SYNE1: variants seen among roughly 807,000 people sequenced by gnomAD.
The protein encoded by SYNE1 is nesprin-1.
SYNE1 carries 616 observed loss-of-function variants against 1,111.0 expected under a neutral mutation model. The observed-to-expected ratio is 0.55, with a 90% CI of 0.52 to 0.59. The LOEUF is 0.59. SYNE1 is among the 20% of genes least tolerant of loss of function. The pLI, the probability that SYNE1 is intolerant of heterozygous loss-of-function variation, is 0.00. For missense variants in SYNE1, 10,006 were observed against 10,417.0 expected (o/e 0.96, Z 1.72); for synonymous variants, 3,855 against 3,825.8 (o/e 1.01, Z -0.28).
Position 152,401,194 on chromosome 6 carries a change from C to G in SYNE1, c.6973G>C (p.Glu2325Gln), listed in dbSNP as rs746913387. The G allele has an allele frequency of 1.2e-6, 2 of 1,614,166 alleles. No homozygotes were observed. The highest frequency in any genetic ancestry group is 1.1e-5 in the South Asian group (1 of 91,090). ...TTTTGGGCACAGTTCATCAACGATT[C>G]TTCCACTTTTGTGAACCATGTTGTT... is the stretch of plus-strand genomic sequence containing the variant. The part of the protein sequence containing the change: ...DITTWFTKVE[E>Q]SLMNCAQNET... The change falls in exon 47 of 146, where the codon GAA becomes CAA. Residue 2325 changes from glutamate to glutamine, a missense_variant. By Grantham distance (29) the Glu-to-Gln change is conservative. Around this residue, in one of 7 missense-constraint regions of SYNE1, gnomAD observed 4,955 missense variants for 5,017.2 expected, o/e 0.99. Transcript: ENST00000367255.
At chr6:152,264,084 C>T (rs891410271) in intron 100 of SYNE1, among the ~76,000 whole-genome samples, 1 of 151,348 alleles carries the variant, frequency 6.6e-6, no homozygotes, top group African/African-American at 2.4e-5. Flanking sequence ...TGGCGCACAC[C>T]TGTTGTCCCA....
At chr6:152,409,512 A>G (rs2097974421) in intron 43 of SYNE1, 47 bp downstream of exon 43, 1 of 1,607,058 alleles carries the variant, frequency 6.2e-7, no homozygotes, top group African/African-American at 1.3e-5. Context: ...AGTAAAAACC[A>G]GATCTACTAA....
intron 63 of SYNE1, among the ~76,000 whole-genome samples, chr6:152,364,352 C>T (rs1270359967): frequency 6.6e-6 from 1 of 152,082 alleles, no homozygotes; most frequent in East Asian, 1.9e-4. Flanking sequence ...ACTGCCCTCC[C>T]CCTGCCTGCC....
rs214997 is a variant in SYNE1 at position 152,441,454 on chromosome 6, A to G, written c.4009-184T>C. ...TTCTTTTCTCTATGTTAATGTTTTC[A>G]TCTACAAAAAGAGAGGACACATGGA... On this transcript the variant is annotated intron_variant, in intron 31 of 145. Transcript: ENST00000367255. Among the ~76,000 whole-genome samples, 78,242 of 152,074 alleles carry G rather than the reference A, an allele frequency of 0.51. 22,263 individuals are homozygous for G. Among genetic ancestry groups the G allele is most frequent in the African/African-American group, 0.75 (31,192 of 41,478 alleles).
At chr6:152,432,075 T>C (rs1379231200) in intron 34 of SYNE1, among the ~76,000 whole-genome samples, 1 of 152,180 alleles carries the variant, frequency 6.6e-6, no homozygotes, top group Non-Finnish European at 1.5e-5. Context: ...CTCAATCATA[T>C]TGTTGGATTG....
intron 3 of SYNE1, among the ~76,000 whole-genome samples, chr6:152,608,837 G>A (rs1337625623): frequency 1.3e-5 from 2 of 152,190 alleles, no homozygotes; most frequent in African/African-American, 4.8e-5. Context: ...AGAAGCTGAG[G>A]CAGGAGAATC....
intron 55 of SYNE1, among the ~76,000 whole-genome samples, chr6:152,382,075 A>T (rs1180949313): frequency 6.6e-6 from 1 of 152,216 alleles, no homozygotes; most frequent in East Asian, 1.9e-4. Flanking sequence ...AAAGCACACA[A>T]ATACTGTAAA....
rs558427622 is a variant in SYNE1, at chr6:152,306,472, C to T, written c.17346+2017G>A. Among the ~76,000 whole-genome samples, 248 of 145,550 alleles carry T rather than the reference C, an allele frequency of 1.7e-3. 3 individuals are homozygous for T. Among genetic ancestry groups the T allele is most frequent in the African/African-American group, 5.0e-3 (195 of 39,258 alleles). ...CTGCACTCCAGCCTGGGCAACAGAG[C>T]GAGACTCCATCTAAAAAATAAATAA... On this transcript the variant is annotated intron_variant, in intron 91 of 145. Coordinates refer to ENST00000367255, the MANE Select transcript of SYNE1 (RefSeq NM_182961.4).
intron 3 of SYNE1, among the ~76,000 whole-genome samples, chr6:152,579,385 G>A (rs980383441): frequency 3.3e-5 from 5 of 152,234 alleles, no homozygotes; most frequent in African/African-American, 7.2e-5. Context: ...ACAGGCAGAG[G>A]CCATGTGGCA....
rs761091376 is a variant in SYNE1 at position 152,354,949 on chromosome 6, G to C, written c.10636C>G (p.Gln3546Glu). ...TGCAGCACTGAGTTCAACAGGGCCT[G>C]CCCCTCTGCACAGTGTACCTGTAGC... ...QELQVHCAEG[Q>E]ALLNSVLHTR... Residue 3546 changes from glutamine to glutamate, a missense_variant, in exon 67 of 146, where the codon CAG (glutamine) becomes GAG (glutamate). Physicochemically the swap from Gln to Glu is conservative, Grantham distance 29 (BLOSUM62 2). Transcript: ENST00000367255. The C allele has an allele frequency of 1.2e-6, 2 of 1,614,034 alleles. No homozygotes were observed. The highest frequency in any genetic ancestry group is 1.7e-6 in the Non-Finnish European group (2 of 1,180,032).
chr6:152,512,250 GA>G (rs1005296530), intron 6 of SYNE1, among the ~76,000 whole-genome samples: 1 of 152,156 alleles, frequency 6.6e-6, no homozygotes, highest in African/African-American at 2.4e-5. Flanking sequence ...TCTCACTGGT[GA>G]AGTTCATTCA....
chr6:152,539,824 A>G, intron 4 of SYNE1, 136 bp downstream of exon 4: 1 of 1,016,038 alleles, frequency 9.8e-7, no homozygotes, highest in Non-Finnish European at 1.6e-6. Flanking sequence ...GGCAACAGCT[A>G]GACCAACCAA....
intron 3 of SYNE1, among the ~76,000 whole-genome samples, chr6:152,560,945 T>C (rs2128224515): frequency 6.6e-6 from 1 of 152,256 alleles, no homozygotes; most frequent in Admixed American, 6.5e-5. Context: ...AAGAAAAGCC[T>C]ACAACTAATA....
Position 152,334,192 on chromosome 6 carries a change from C to T in SYNE1, c.12610G>A (p.Glu4204Lys), listed in dbSNP as rs1216662671. 3 of 1,614,048 alleles carry T rather than the reference C, an allele frequency of 1.9e-6. No individual in the cohort carries two copies. The South Asian group carries it at 3.3e-5, about 18-fold the overall frequency. Residue 4204 changes from glutamate (E) to lysine (K), a missense_variant, in exon 77 of 146, where the codon GAA becomes AAA. Transcript: ENST00000367255. ...EKVNKLTKKE[E>K]SPEHKEINHL... ...TTTATTTCCTTGTGTTCAGGCGATTCCTCCTTCTTTGTTAACTTATTCACC... is the reference window on the plus strand; with the variant it reads ...TTTATTTCCTTGTGTTCAGGCGATTTCTCCTTCTTTGTTAACTTATTCACC...
intron 141 of SYNE1, among the ~76,000 whole-genome samples, chr6:152,135,467 T>A (rs2056844617): frequency 6.6e-6 from 1 of 152,196 alleles, no homozygotes; most frequent in African/African-American, 2.4e-5. Flanking sequence ...AAAACTGGCA[T>A]CAACATACGT....
At chr6:152,509,247 TC>T (rs376119853) in intron 8 of SYNE1, among the ~76,000 whole-genome samples, 15 of 116,052 alleles carry the variant, frequency 1.3e-4, no homozygotes, top group Admixed American at 2.5e-4. Context: ...TTTTTCTTTT[TC>T]TTTTTTTTTT....
At chr6:152,539,201 C>T (rs1255832658) in intron 4 of SYNE1, among the ~76,000 whole-genome samples, 1 of 152,144 alleles carries the variant, frequency 6.6e-6, no homozygotes, top group Non-Finnish European at 1.5e-5. Context: ...GTCAACATAA[C>T]TTCCACTATA....
intron 127 of SYNE1, among the ~76,000 whole-genome samples, chr6:152,191,467 G>T (rs1407309578): frequency 6.6e-6 from 1 of 151,936 alleles, no homozygotes; most frequent in African/African-American, 2.4e-5. Flanking sequence ...ACTTGCTATT[G>T]GTCTGCTTTT....
At chr6:152,616,302 G>A (rs907708125) in intron 3 of SYNE1, among the ~76,000 whole-genome samples, 3 of 152,094 alleles carry the variant, frequency 2.0e-5, no homozygotes, top group Admixed American at 6.6e-5. Flanking sequence ...GGCCGGGCAC[G>A]GTCACTCACA....
Sources: allele counts gnomAD v4.1 joint callset (sites outside exome capture counted in the v4.1 genomes callset), GRCh38; gene constraint gnomAD v4.1.1; regional missense constraint gnomAD v4.1.1; transcripts MANE v1.5; gene names NCBI Gene and HGNC (gene_info 2026-07-23, HGNC 2026-07-21).